The following KHDRBS2 variants were observed in gnomAD, a reference collection of about 807,000 sequenced individuals.
The protein encoded by KHDRBS2 is KH domain-containing, RNA-binding, signal transduction-associated protein 2.
KHDRBS2 carries 26 observed loss-of-function variants against 44.3 expected under a neutral mutation model. The observed-to-expected ratio is 0.59, with a 90% CI of 0.43 to 0.81. The LOEUF (loss-of-function observed/expected upper bound fraction) is 0.81. KHDRBS2 is among the 40% of genes least tolerant of loss of function. KHDRBS2 has a pLI of 0.00. For synonymous variants in KHDRBS2, 194 were observed against 151.1 expected, an observed-to-expected ratio of 1.28 and a Z score of -2.08; for missense variants, 476 against 433.1, an observed-to-expected ratio of 1.10 and a Z score of -0.88.
At position 61,975,653 on chromosome 6, in the gene KHDRBS2, G is replaced by GCA. The variant is rs567222441; in HGVS notation, c.483+2411_483+2412dup. On this transcript the variant is annotated intron_variant, in intron 4 of 8. Coordinates refer to ENST00000281156, the MANE Select transcript of KHDRBS2 (RefSeq NM_152688.4). ...CACAGAAATCAAAGATAAGCAAGAT[G>GCA]CACACACACACACACACACACACAC... 7.2e-3 allele frequency among the ~76,000 whole-genome samples: 639 copies of GCA among 88,372 alleles called. 4 individuals carry two copies. The highest frequency in any genetic ancestry group is 0.039 in the South Asian group (95 of 2,422). 58.0% of individuals were successfully genotyped at this position (88,372 alleles called of 152,430 possible).
At chr6:61,620,486 G>A in the KHDRBS2 span, among the ~76,000 whole-genome samples, 1 of 152,132 alleles carries the variant, frequency 6.6e-6, no homozygotes, top group Non-Finnish European at 1.5e-5. Flanking sequence ...TTGAATTAAA[G>A]TTCTATCTCT....
At chr6:62,123,823 T>C (rs774539894) in intron 2 of KHDRBS2, among the ~76,000 whole-genome samples, 1 of 152,246 alleles carries the variant, frequency 6.6e-6, no homozygotes, top group East Asian at 1.9e-4. Flanking sequence ...TGGACACTTA[T>C]GAATATTGCT....
the KHDRBS2 span, among the ~76,000 whole-genome samples, chr6:61,597,914 GT>G: frequency 0.018 from 2,397 of 135,090 alleles, 53 homozygotes; most frequent in African/African-American, 0.034. Flanking sequence ...TTTTTTTTGT[GT>G]TTTTTTTTTT....
the KHDRBS2 span, among the ~76,000 whole-genome samples, chr6:61,555,905 G>T: frequency 1.3e-5 from 2 of 152,182 alleles, no homozygotes; most frequent in Non-Finnish European, 2.9e-5. Context: ...GAGAGGCCAA[G>T]GTTTTCCTGG....
At chr6:61,929,820 G>A (rs938974356) in intron 4 of KHDRBS2, among the ~76,000 whole-genome samples, 1 of 152,110 alleles carries the variant, frequency 6.6e-6, no homozygotes, top group African/African-American at 2.4e-5. Flanking sequence ...AAAATTGTTA[G>A]ATGAAGTTGT....
intron 6 of KHDRBS2, among the ~76,000 whole-genome samples, chr6:61,743,771 T>TCCCC (rs528609380): frequency 2.4e-5 from 3 of 125,070 alleles, no homozygotes; most frequent in African/African-American, 9.3e-5. Context: ...CTTAATGCTA[T>TCCCC]CCCCCCCCTC....
chr6:61,995,826 C>T (rs1022561273), intron 3 of KHDRBS2, among the ~76,000 whole-genome samples: 1 of 152,208 alleles, frequency 6.6e-6, no homozygotes, highest in East Asian at 1.9e-4. Context: ...TGATTCACCA[C>T]TCTTCTCCCC....
At chr6:62,087,465 A>G (rs983723925) in intron 2 of KHDRBS2, among the ~76,000 whole-genome samples, 5 of 152,242 alleles carry the variant, frequency 3.3e-5, no homozygotes, top group Non-Finnish European at 5.9e-5. Context: ...AATAAAAGAT[A>G]GAAATGAAAA....
At chr6:61,754,545 G>A (rs1057087778) in intron 6 of KHDRBS2, among the ~76,000 whole-genome samples, 7 of 149,156 alleles carry the variant, frequency 4.7e-5, no homozygotes, top group African/African-American at 1.7e-4. Flanking sequence ...TGTCTTTAAG[G>A]ATATGAACTA....
chr6:61,561,182 G>T, the KHDRBS2 span, among the ~76,000 whole-genome samples: 1 of 151,844 alleles, frequency 6.6e-6, no homozygotes, highest in African/African-American at 2.4e-5. Flanking sequence ...TCAAATAAAT[G>T]GAGACTCTCT....
intron 4 of KHDRBS2, among the ~76,000 whole-genome samples, chr6:61,948,685 A>ATTATTATTATTATTC (rs1554286420): frequency 1.4e-5 from 2 of 147,998 alleles, no homozygotes; most frequent in African/African-American, 4.9e-5. Context: ...TATTATTATT[A>ATTATTATTATTATTC]TTATTATTTT....
the KHDRBS2 span, among the ~76,000 whole-genome samples, chr6:61,549,444 T>C: frequency 6.6e-6 from 1 of 152,182 alleles, no homozygotes; most frequent in African/African-American, 2.4e-5. Context: ...GTGTATTAAG[T>C]TGCTTATGAA....
At chr6:62,247,916 TAA>T (rs979566322) in intron 1 of KHDRBS2, among the ~76,000 whole-genome samples, 1 of 152,122 alleles carries the variant, frequency 6.6e-6, no homozygotes, top group African/African-American at 2.4e-5. Flanking sequence ...CAGTAGAGAT[TAA>T]AAAGAGTTTT....
intron 6 of KHDRBS2, among the ~76,000 whole-genome samples, chr6:61,754,182 C>T (rs915318279): frequency 3.3e-5 from 5 of 152,014 alleles, no homozygotes; most frequent in Non-Finnish European, 4.4e-5. Context: ...ATTTGGATGA[C>T]TAAAAAATAC....
At chr6:61,784,909 G>A (rs190511324) in intron 6 of KHDRBS2, among the ~76,000 whole-genome samples, 5 of 152,168 alleles carry the variant, frequency 3.3e-5, no homozygotes, top group African/African-American at 9.6e-5. Context: ...AGCACTTTGG[G>A]AAGCCAAGGT....
chr6:62,050,760 T>C (rs1345979398), intron 2 of KHDRBS2, among the ~76,000 whole-genome samples: 1 of 152,022 alleles, frequency 6.6e-6, no homozygotes, highest in Non-Finnish European at 1.5e-5. Context: ...AAACTTACAG[T>C]TCCACTATGA....
chr6:61,808,651 AT>A (rs1208011304), intron 6 of KHDRBS2, among the ~76,000 whole-genome samples: 5 of 152,234 alleles, frequency 3.3e-5, no homozygotes, highest in African/African-American at 1.2e-4. Context: ...TGAGAAATGA[AT>A]GTTTTAGGTT....
intron 4 of KHDRBS2, among the ~76,000 whole-genome samples, chr6:61,912,297 T>C (rs1002928811): frequency 6.6e-6 from 1 of 152,032 alleles, no homozygotes; most frequent in African/African-American, 2.4e-5. Flanking sequence ...AAAGATAAAT[T>C]AGAATTACAA....
chr6:61,809,812 G>A (rs1787812640), intron 6 of KHDRBS2, among the ~76,000 whole-genome samples: 2 of 152,212 alleles, frequency 1.3e-5, no homozygotes, highest in African/African-American at 4.8e-5. Context: ...ACTGTAGCAA[G>A]GATTTAGCTG....
Sources: gnomAD v4.1 joint callset for allele counts (sites outside exome capture counted in the v4.1 genomes callset) on GRCh38, gnomAD v4.1.1 for gene constraint, MANE v1.5 for transcripts, NCBI Gene and HGNC (gene_info 2026-07-23, HGNC 2026-07-21) for gene names.